DYSF: variants seen among roughly 807,000 people sequenced by gnomAD.
DYSF encodes the protein dysferlin.
In DYSF, 212 loss-of-function variants were observed where a neutral mutation model predicts 274.9. The ratio of observed to expected loss-of-function variants is 0.77; its 90% CI spans 0.69 to 0.86. The LOEUF is 0.86. Among genes scored for constraint, DYSF ranks in the 40% least tolerant of loss-of-function variants. The probability of loss-of-function intolerance (pLI) is 0.00; values close to 1 mark genes in which losing one functional copy is unlikely to be tolerated. For missense variants in DYSF, 2,666 were observed against 2,783.2 expected (o/e 0.96, Z 0.95); for synonymous variants, 1,091 against 1,078.7 (o/e 1.01, Z -0.22).
At chr2:71,467,163 C>T (rs1034820613) in intron 1 of DYSF, among the ~76,000 whole-genome samples, 5 of 152,200 alleles carry the variant, frequency 3.3e-5, no homozygotes, top group Admixed American at 2.0e-4. Context: ...GCGAAAGTGC[C>T]GTAGGTCAGC....
intron 29 of DYSF, among the ~76,000 whole-genome samples, chr2:71,573,475 C>A (rs1471785922): frequency 6.6e-6 from 1 of 152,302 alleles, no homozygotes; most frequent in South Asian, 2.1e-4. Context: ...GGCAAGGGGG[C>A]TCCCGGGACT....
rs747000306 is a variant in DYSF at position 71,553,017 on chromosome 2, C to T, written c.1813C>T (p.Leu605Phe). 6 of 1,614,150 alleles carry T rather than the reference C, an allele frequency of 3.7e-6. No homozygotes were observed. The highest frequency in any genetic ancestry group is 2.2e-5 in the East Asian group (1 of 44,882). The change falls in exon 20 of 56, where the codon CTT becomes TTT. Residue 605 changes from leucine to phenylalanine, a missense_variant. Leu to Phe is a conservative substitution (Grantham distance 22). This residue lies in a region of DYSF where 412 missense variants were observed against 504.0 expected (regional missense o/e 0.82). Coordinates refer to ENST00000410020, the MANE Select transcript of DYSF (RefSeq NM_001130987.2). ...GTCTACTCTCTGCTCTCAGAAGTAC[C>T]TTAGGAGGCGCAAGTACTCCCTGTT... ...ADDILRVEKYLRRRKYSLFAA... is the reference protein window; with the variant it reads ...ADDILRVEKYFRRRKYSLFAA...
chr2:71,596,146 G>A (rs1347381096), intron 32 of DYSF, among the ~76,000 whole-genome samples: 1 of 151,952 alleles, frequency 6.6e-6, no homozygotes, highest in Non-Finnish European at 1.5e-5. Flanking sequence ...CCCATGGGCG[G>A]GTGGGGCACG....
chr2:71,547,340 A>T (rs907305982), intron 17 of DYSF, among the ~76,000 whole-genome samples: 45 of 152,362 alleles, frequency 3.0e-4, no homozygotes, highest in African/African-American at 9.9e-4. Flanking sequence ...CTGAATGAAC[A>T]AATGAATGAA....
At chr2:71,621,601 A>G (rs1399144715) in intron 41 of DYSF, among the ~76,000 whole-genome samples, 1 of 114,780 alleles carries the variant, frequency 8.7e-6, no homozygotes, top group Non-Finnish European at 1.9e-5. Flanking sequence ...ATATATGAAT[A>G]TTTTTCCATA....
chr2:71,597,493 A>C (rs1166822614), intron 32 of DYSF, among the ~76,000 whole-genome samples: 1 of 152,098 alleles, frequency 6.6e-6, no homozygotes, highest in Admixed American at 6.5e-5. Flanking sequence ...ACTTTTAGGA[A>C]CTTGTTAGAA....
At chr2:71,638,373 A>AAAAAAAGT (rs1470049487) in intron 41 of DYSF, among the ~76,000 whole-genome samples, 5 of 151,794 alleles carry the variant, frequency 3.3e-5, no homozygotes, top group Middle Eastern at 3.2e-3. Flanking sequence ...AAAAAAAAAA[A>AAAAAAAGT]AAAAAGTACT....
intron 41 of DYSF, among the ~76,000 whole-genome samples, chr2:71,639,712 A>G (rs227782): frequency 0.61 from 92,726 of 152,018 alleles, 29,290 homozygotes; most frequent in Middle Eastern, 0.72. Flanking sequence ...CTTTATGCAT[A>G]TCCATGATTG....
chr2:71,560,146 C>G (rs1406732891), intron 22 of DYSF, among the ~76,000 whole-genome samples: 1 of 152,242 alleles, frequency 6.6e-6, no homozygotes, highest in Non-Finnish European at 1.5e-5. Flanking sequence ...TCCGTACCCC[C>G]TGCCTTGGGC....
intron 30 of DYSF, among the ~76,000 whole-genome samples, chr2:71,586,240 G>C (rs1490584694): frequency 1.3e-5 from 2 of 152,152 alleles, no homozygotes; most frequent in African/African-American, 4.8e-5. Flanking sequence ...TGTGAATCAG[G>C]GTGGTACAAA....
chr2:71,539,293 C>A lies in DYSF; in HGVS notation c.1576+54C>A, dbSNP rs1034506130. On this transcript the variant is annotated intron_variant, in intron 17 of 55. Transcript: ENST00000410020. The stretch of plus-strand genomic sequence containing the variant: ...ACCCCCTGTGCTCTCCCCCGTACCC[C>A]CTCTATCCAGCTTACACTTCTAGTT... 7 of 1,483,308 alleles carry A rather than the reference C, an allele frequency of 4.7e-6. No homozygotes were observed. The African/African-American group carries it at 8.3e-5, about 18-fold the overall frequency. The allele number at this position is 1,483,308 out of a possible 1,614,324, so 91.9% of individuals were successfully genotyped here. A position where few individuals can be genotyped will look rare whatever the true frequency, so the allele number is the denominator to read the frequency against.
At chr2:71,571,867 A>ATCACACCCAGCACACACAGC (rs2092491672) in intron 29 of DYSF, among the ~76,000 whole-genome samples, 2 of 116,312 alleles carry the variant, frequency 1.7e-5, no homozygotes, top group African/African-American at 8.0e-5. Flanking sequence ...CCACACACAG[A>ATCACACCCAGCACACACAGC]TCACACCCAG....
chr2:71,459,555 A>G (rs2081201698), intron 1 of DYSF, among the ~76,000 whole-genome samples: 1 of 151,962 alleles, frequency 6.6e-6, no homozygotes, highest in Admixed American at 6.6e-5. Context: ...ATCTAGGCCC[A>G]GGTGCCACAT....
intron 20 of DYSF, 56 bp from the exon 21 acceptor site, chr2:71,553,751 C>CAAAAA: frequency 9.6e-7 from 1 of 1,045,044 alleles, no homozygotes; most frequent in Non-Finnish European, 1.4e-6. Flanking sequence ...CTTAGCACCC[C>CAAAAA]ATCCCACCCG....
chr2:71,612,889 GA>G, intron 39 of DYSF, 83 bp downstream of exon 39: 1 of 1,485,248 alleles, frequency 6.7e-7, no homozygotes. Flanking sequence ...GATGCATCCT[GA>G]AACCCTTCTC....
chr2:71,526,410 GTGGGCGATGGC>G, intron 13 of DYSF, 64 bp downstream of exon 13: 5 of 1,462,980 alleles, frequency 3.4e-6, no homozygotes, highest in East Asian at 2.4e-5. Context: ...GCTGGTGGGG[GTGGGCGATGGC>G]GGGCGGGGTC....
chr2:71,588,223 G>T (rs1231412975), intron 30 of DYSF, among the ~76,000 whole-genome samples: 3 of 152,194 alleles, frequency 2.0e-5, no homozygotes, highest in Non-Finnish European at 4.4e-5. Flanking sequence ...GTCACTGGGG[G>T]TCTGAATGGG....
chr2:71,631,331 A>G (rs2094309150), intron 41 of DYSF, among the ~76,000 whole-genome samples: 1 of 152,226 alleles, frequency 6.6e-6, no homozygotes, highest in Non-Finnish European at 1.5e-5. Context: ...GAAGTCACTT[A>G]TCTTTTCCTT....
intron 42 of DYSF, among the ~76,000 whole-genome samples, chr2:71,647,354 C>T (rs539525708): frequency 6.6e-6 from 1 of 152,124 alleles, no homozygotes; most frequent in African/African-American, 2.4e-5. Context: ...TAGTAAGTTA[C>T]CAAAAGCAGA....
Sources: gnomAD v4.1 joint callset for allele counts (sites outside exome capture counted in the v4.1 genomes callset) on GRCh38, gnomAD v4.1.1 for gene constraint, gnomAD v4.1.1 regional missense constraint, MANE v1.5 for transcripts, NCBI Gene and HGNC (gene_info 2026-07-23, HGNC 2026-07-21) for gene names.